MOSMO: variants seen among roughly 807,000 people sequenced by gnomAD.
MOSMO encodes the protein modulator of smoothened.
In MOSMO, 5 loss-of-function variants were observed where a neutral mutation model predicts 18.4. The ratio of observed to expected loss-of-function variants is 0.27; its 90% CI spans 0.14 to 0.57. MOSMO has a LOEUF of 0.57. MOSMO is among the 20% of genes least tolerant of loss of function. The pLI, the probability that MOSMO is intolerant of heterozygous loss-of-function variation, is 0.92. For synonymous variants in MOSMO, 82 were observed against 82.3 expected (o/e 1.00, Z 0.02); for missense variants, 138 against 211.8 (o/e 0.65, Z 2.16).
chr16:22,010,893 C>G (rs1383074273), intron 1 of MOSMO, among the ~76,000 whole-genome samples: 1 of 151,164 alleles, frequency 6.6e-6, no homozygotes, highest in Non-Finnish European at 1.5e-5. Flanking sequence ...TGCACTCTGG[C>G]CTGGGCGACA....
chr16:22,058,031 G>T (rs541063672), intron 1 of MOSMO, among the ~76,000 whole-genome samples: 101 of 152,268 alleles, frequency 6.6e-4, no homozygotes, highest in Non-Finnish European at 1.4e-3. Flanking sequence ...GGTAATACAG[G>T]ACCTGGTAGG....
chr16:22,053,402 TTATA>T (rs1189787113), intron 1 of MOSMO, among the ~76,000 whole-genome samples: 2 of 152,164 alleles, frequency 1.3e-5, no homozygotes, highest in Non-Finnish European at 2.9e-5. Context: ...GTATTGAACA[TTATA>T]TATGTTACTG....
intron 1 of MOSMO, among the ~76,000 whole-genome samples, chr16:22,063,954 T>G (rs759041405): frequency 5.9e-5 from 9 of 152,188 alleles, no homozygotes; most frequent in Non-Finnish European, 7.3e-5. Context: ...AGTTTTGAAG[T>G]GGGTAATTCA....
chr16:22,008,875 G>A (rs1899453779), intron 1 of MOSMO, among the ~76,000 whole-genome samples: 1 of 152,146 alleles, frequency 6.6e-6, no homozygotes, highest in South Asian at 2.1e-4. Context: ...GGAGCCACTA[G>A]AGAGCTGGTG....
At chr16:22,066,671 T>G (rs1365810727) in intron 1 of MOSMO, among the ~76,000 whole-genome samples, 1 of 152,204 alleles carries the variant, frequency 6.6e-6, no homozygotes, top group Non-Finnish European at 1.5e-5. Flanking sequence ...AGCTGACTAC[T>G]AAACTAATCT....
At chr16:22,021,630 TCTACAAAAAATA>T (rs1453243526) in intron 1 of MOSMO, among the ~76,000 whole-genome samples, 3 of 151,992 alleles carry the variant, frequency 2.0e-5, no homozygotes, top group Non-Finnish European at 4.4e-5. Context: ...AAACCCTGTG[TCTACAAAAAATA>T]CAAAAATTAA....
intron 1 of MOSMO, among the ~76,000 whole-genome samples, chr16:22,023,408 C>T (rs1475163107): frequency 6.6e-6 from 1 of 152,154 alleles, no homozygotes; most frequent in Non-Finnish European, 1.5e-5. Flanking sequence ...AAGTGGACCA[C>T]CCTGTATTGA....
rs1901132614 is a variant in MOSMO at position 22,084,274 on chromosome 16, G to C, written c.*3394G>C. 1 of 152,178 alleles carries C rather than the reference G, an allele frequency of 6.6e-6. No individual in the cohort carries two copies. Among genetic ancestry groups the C allele is most frequent in the African/African-American group, 2.4e-5 (1 of 41,442 alleles). 9.4% of individuals were successfully genotyped at this position (152,178 alleles called of 1,614,324 possible). A position where few individuals can be genotyped will look rare whatever the true frequency, so the allele number is the denominator to read the frequency against. On this transcript the variant is annotated 3_prime_UTR_variant, in exon 3 of 3. Coordinates refer to ENST00000542527, the MANE Select transcript of MOSMO (RefSeq NM_001164579.2). The stretch of plus-strand genomic sequence containing the variant: ...AAGACTACTAGCCACAAGTTACTCT[G>C]ATTATAGTAACTGTTTTATCAACCC...
chr16:22,063,120 C>T (rs917475609), intron 1 of MOSMO, among the ~76,000 whole-genome samples: 1 of 152,206 alleles, frequency 6.6e-6, no homozygotes, highest in Non-Finnish European at 1.5e-5. Flanking sequence ...TCCCAAAGTG[C>T]TGGGATTACA....
intron 1 of MOSMO, among the ~76,000 whole-genome samples, chr16:22,023,619 TC>T (rs35576360): frequency 0.1 from 15,174 of 152,042 alleles, 2,318 homozygotes; most frequent in African/African-American, 0.33. Context: ...GCTCTGCCCT[TC>T]CTCTCTAGGA....
intron 1 of MOSMO, 108 bp downstream of exon 1, chr16:22,008,515 T>C: frequency 1.6e-6 from 1 of 642,970 alleles, no homozygotes; most frequent in Non-Finnish European, 2.4e-6. Context: ...GGCCGGAGGC[T>C]AGCCTGAGGA....
chr16:22,058,991 T>C (rs1475164043), intron 1 of MOSMO, among the ~76,000 whole-genome samples: 1 of 152,224 alleles, frequency 6.6e-6, no homozygotes, highest in Non-Finnish European at 1.5e-5. Flanking sequence ...TGAACAGACT[T>C]TGGTTTTATA....
intron 1 of MOSMO, among the ~76,000 whole-genome samples, chr16:22,011,774 A>T (rs1031974617): frequency 6.6e-6 from 1 of 152,170 alleles, no homozygotes; most frequent in Non-Finnish European, 1.5e-5. Context: ...GGAAATTTTT[A>T]AAATTCTTAT....
At chr16:22,048,218 T>C (rs370548758) in intron 1 of MOSMO, among the ~76,000 whole-genome samples, 2 of 152,308 alleles carry the variant, frequency 1.3e-5, no homozygotes, top group East Asian at 3.9e-4. Flanking sequence ...TCTGTGTGCC[T>C]CAGGTTCTTT....
At chr16:22,046,118 C>T (rs1900305312) in intron 1 of MOSMO, among the ~76,000 whole-genome samples, 1 of 151,026 alleles carries the variant, frequency 6.6e-6, no homozygotes, top group Non-Finnish European at 1.5e-5. Context: ...ATATCATCAC[C>T]ATGAAAAGCA....
intron 1 of MOSMO, among the ~76,000 whole-genome samples, chr16:22,045,814 T>C (rs901467058): frequency 1.3e-5 from 2 of 152,176 alleles, no homozygotes; most frequent in African/African-American, 4.8e-5. Flanking sequence ...TTAATTCTCT[T>C]TGGGGGCCTT....
intron 1 of MOSMO, among the ~76,000 whole-genome samples, chr16:22,028,237 A>G (rs937770420): frequency 1.3e-5 from 2 of 152,120 alleles, no homozygotes; most frequent in African/African-American, 2.4e-5. Flanking sequence ...ATACAAATAT[A>G]ACTTTCCTTT....
At chr16:22,078,770 A>G (rs538524751) in intron 2 of MOSMO, among the ~76,000 whole-genome samples, 31 of 152,334 alleles carry the variant, frequency 2.0e-4, no homozygotes, top group African/African-American at 7.2e-4. Context: ...ACCAGACCAT[A>G]TTAAGCTGTG....
intron 1 of MOSMO, among the ~76,000 whole-genome samples, chr16:22,060,186 T>C (rs1900614450): frequency 1.3e-5 from 2 of 151,720 alleles, no homozygotes; most frequent in African/African-American, 4.8e-5. Flanking sequence ...CAAAAAAAAA[T>C]TGAAAAATTG....
Sources: gnomAD v4.1 joint callset for allele counts (sites outside exome capture counted in the v4.1 genomes callset) on GRCh38, gnomAD v4.1.1 for gene constraint, MANE v1.5 for transcripts, NCBI Gene and HGNC (gene_info 2026-07-23, HGNC 2026-07-21) for gene names.